The following ERC2 variants were observed in gnomAD, a reference collection of about 807,000 sequenced individuals.
ERC2 encodes ERC protein 2.
In ERC2, 42 loss-of-function variants were observed where a neutral mutation model predicts 114.8. The ratio of observed to expected loss-of-function variants is 0.37; its 90% confidence interval spans 0.29 to 0.47. The LOEUF is 0.47. Among genes scored for constraint, ERC2 ranks in the 20% least tolerant of loss-of-function variants. The pLI is 0.99. For synonymous variants in ERC2, 454 were observed against 425.5 expected, an observed-to-expected ratio of 1.07 and a Z score of -0.82; for missense variants, 939 against 1,150.7, an observed-to-expected ratio of 0.82 and a Z score of 2.66.
intron 17 of ERC2, among the ~76,000 whole-genome samples, chr3:55,556,999 T>C (rs1038008935): frequency 2.0e-5 from 3 of 152,142 alleles, no homozygotes; most frequent in African/African-American, 7.2e-5. Flanking sequence ...GACACACACA[T>C]AGACCCAGAG....
chr3:55,655,285 G>A (rs972372135), intron 17 of ERC2, among the ~76,000 whole-genome samples: 3 of 152,000 alleles, frequency 2.0e-5, no homozygotes, highest in Non-Finnish European at 2.9e-5. Flanking sequence ...AGGACAGCTT[G>A]TACTACATCC....
At chr3:55,663,533 C>G (rs1027756496) in intron 17 of ERC2, among the ~76,000 whole-genome samples, 1 of 152,148 alleles carries the variant, frequency 6.6e-6, no homozygotes, top group African/African-American at 2.4e-5. Context: ...TGTCAAATGT[C>G]ATTGTAAACC....
At chr3:55,566,480 G>A (rs2056384515) in intron 17 of ERC2, among the ~76,000 whole-genome samples, 1 of 151,882 alleles carries the variant, frequency 6.6e-6, no homozygotes, top group Non-Finnish European at 1.5e-5. Flanking sequence ...TGAACAGGTT[G>A]GAGTGCAATG....
At chr3:55,617,665 TCTGC>T (rs1269019459) in intron 17 of ERC2, among the ~76,000 whole-genome samples, 1 of 152,228 alleles carries the variant, frequency 6.6e-6, no homozygotes, top group African/African-American at 2.4e-5. Flanking sequence ...AACAAGTTTA[TCTGC>T]CTGCCACTTG....
chr3:55,914,350 T>C (rs1301533973), intron 13 of ERC2, among the ~76,000 whole-genome samples: 1 of 152,158 alleles, frequency 6.6e-6, no homozygotes, highest in African/African-American at 2.4e-5. Context: ...GTCTCTTATC[T>C]TTAAATGTTA....
At position 56,296,287 on chromosome 3, in the gene ERC2, T is replaced by C; in HGVS notation, c.806A>G (p.Glu269Gly). The change falls in exon 3 of 18, where the codon GAG becomes GGG. Residue 269 changes from glutamate to glycine, a missense_variant. By Grantham distance (98) the Glu-to-Gly change is moderately conservative. Coordinates refer to ENST00000288221, the MANE Select transcript of ERC2 (RefSeq NM_015576.3). The part of the protein sequence containing the change: ...TEENFRRLQA[E>G]HDRQAKELFL... ...CAGCTCCTTAGCCTGCCTGTCATGC[T>C]CGGCTTGGAGCCGCCTAAAGTTCTC... The C allele has an allele frequency of 6.2e-7, 1 of 1,614,044 alleles. No individual in the cohort carries two copies. The highest frequency in any genetic ancestry group is 8.5e-7 in the Non-Finnish European group (1 of 1,179,894).
chr3:55,593,578 G>C (rs1234833735), intron 17 of ERC2, among the ~76,000 whole-genome samples: 1 of 152,134 alleles, frequency 6.6e-6, no homozygotes, highest in African/African-American at 2.4e-5. Flanking sequence ...TCCCTTAAGA[G>C]AAAGTCAAGT....
chr3:55,526,245 A>C (rs774401661), intron 17 of ERC2, among the ~76,000 whole-genome samples: 2 of 152,082 alleles, frequency 1.3e-5, no homozygotes, highest in Non-Finnish European at 2.9e-5. Context: ...TTGATTTTGG[A>C]CTTCTGGCCT....
chr3:56,361,565 G>A (rs1008615064), intron 2 of ERC2, among the ~76,000 whole-genome samples: 2 of 152,086 alleles, frequency 1.3e-5, no homozygotes, highest in African/African-American at 4.8e-5. Context: ...TGTTTTAAGG[G>A]GAGCTGCACT....
chr3:56,087,041 T>G (rs1560150585), intron 6 of ERC2, among the ~76,000 whole-genome samples: 1 of 152,166 alleles, frequency 6.6e-6, no homozygotes, highest in Admixed American at 6.6e-5. Context: ...CTGTATGATA[T>G]AGTCCATGCA....
intron 2 of ERC2, among the ~76,000 whole-genome samples, chr3:56,380,373 T>A (rs986658263): frequency 6.6e-6 from 1 of 152,116 alleles, no homozygotes; most frequent in Non-Finnish European, 1.5e-5. Flanking sequence ...TCATCTCCAA[T>A]TCATACAGGG....
chr3:55,999,863 C>A (rs1216500927), intron 10 of ERC2, among the ~76,000 whole-genome samples: 1 of 151,112 alleles, frequency 6.6e-6, no homozygotes, highest in African/African-American at 2.4e-5. Flanking sequence ...TTTTAATTGA[C>A]AAAGTGATCC....
At chr3:55,995,296 A>C (rs981799563) in intron 10 of ERC2, among the ~76,000 whole-genome samples, 1 of 152,026 alleles carries the variant, frequency 6.6e-6, no homozygotes, top group South Asian at 2.1e-4. Context: ...TCATGCCACT[A>C]TACTCCAGCC....
chr3:56,434,111 A>C, intron 2 of ERC2: 11 of 493,258 alleles, frequency 2.2e-5, no homozygotes, highest in Non-Finnish European at 2.5e-5. Context: ...GATCCTCCCC[A>C]CCCCACCCCT....
At chr3:56,441,214 A>C (rs2062289549) in intron 1 of ERC2, among the ~76,000 whole-genome samples, 1 of 152,204 alleles carries the variant, frequency 6.6e-6, no homozygotes, top group East Asian at 1.9e-4. Flanking sequence ...GAGAGAGGCC[A>C]CGTGAAGGAG....
In ERC2 at chr3:55,664,156, T is replaced by C. The variant is rs532239225; in HGVS notation, c.*39+19638A>G. ...CTGGATGTCAAGCCTTTTATTTTTT[T>C]CCCCCCTCTAAATCTGATAACCCTA... On this transcript the variant is annotated intron_variant, in intron 17 of 17. Transcript: ENST00000288221. Among the ~76,000 whole-genome samples the C allele has an allele frequency of 1.2e-4, 19 of 152,250 alleles. No homozygotes were observed. The South Asian group carries it at 1.2e-3, about 10-fold the overall frequency.
chr3:56,440,547 CA>C (rs397877367), intron 1 of ERC2, among the ~76,000 whole-genome samples: 43,049 of 107,510 alleles, frequency 0.4, 6,584 homozygotes, highest in Admixed American at 0.53. Context: ...GACTCTGTCT[CA>C]AAAAAAAAAA....
intron 2 of ERC2, among the ~76,000 whole-genome samples, chr3:56,313,478 G>T (rs2056719676): frequency 6.6e-6 from 1 of 152,056 alleles, no homozygotes; most frequent in African/African-American, 2.4e-5. Flanking sequence ...ATCATCGCTA[G>T]GCTAGTTAAT....
chr3:55,719,431 C>G (rs940963868), intron 15 of ERC2, among the ~76,000 whole-genome samples: 2 of 152,188 alleles, frequency 1.3e-5, no homozygotes, highest in Non-Finnish European at 2.9e-5. Flanking sequence ...TGATAGAACC[C>G]ACTCTGCCTC....
Sources: gnomAD v4.1 joint callset for allele counts (sites outside exome capture counted in the v4.1 genomes callset) on GRCh38, gnomAD v4.1.1 for gene constraint, MANE v1.5 for transcripts, NCBI Gene and HGNC (gene_info 2026-07-23, HGNC 2026-07-21) for gene names.